Variants in ERC1 observed in about 807,000 individuals in gnomAD.
ERC1 encodes the protein RAB6 interacting protein 2.
In ERC1, 56 loss-of-function variants were observed where a neutral mutation model predicts 132.0. The ratio of observed to expected loss-of-function variants is 0.42; its 90% CI spans 0.34 to 0.53. The LOEUF (loss-of-function observed/expected upper bound fraction) is 0.53, where lower values mean the gene tolerates loss of function less well. Ranked by LOEUF, ERC1 falls within the 20% of genes least tolerant of loss-of-function variation. The pLI is 0.03. For missense variants in ERC1, 1,202 were observed against 1,349.9 expected (o/e 0.89, Z 1.72); for synonymous variants, 478 against 476.1 (o/e 1.00, Z -0.05).
chr12:1,083,242 A>G lies in ERC1; in HGVS notation c.748A>G (p.Ser250Gly), dbSNP rs751171930. The G allele has an allele frequency of 6.2e-7, 1 of 1,614,176 alleles. No homozygotes were observed. Among genetic ancestry groups the G allele is most frequent in the Non-Finnish European group, 8.5e-7 (1 of 1,179,992 alleles). Reference protein sequence around the residue: ...RDLNQLFQQDSSSRTGEPCVA... With the variant: ...RDLNQLFQQDGSSRTGEPCVA... ...CCTGAATCAGCTGTTTCAGCAGGAT[A>G]GTAGCAGCAGGACTGGCGAACCTTG... Residue 250 changes from serine to glycine, a missense_variant, in exon 3 of 19, where the codon AGT becomes GGT. Transcript: ENST00000360905.
chr12:1,322,249 A>C (rs2082164589), intron 15 of ERC1, among the ~76,000 whole-genome samples: 1 of 141,910 alleles, frequency 7.0e-6, no homozygotes, highest in Non-Finnish European at 1.6e-5. Context: ...AGTATTACTA[A>C]CTGAGAATGT....
chr12:1,220,052 TTTG>T (rs750160177), intron 12 of ERC1, among the ~76,000 whole-genome samples: 14 of 152,184 alleles, frequency 9.2e-5, no homozygotes, highest in Non-Finnish European at 1.8e-4. Context: ...TATCAGCTTT[TTTG>T]TTGTTGTTAA....
chr12:1,310,384 T>C (rs886218706), intron 15 of ERC1, among the ~76,000 whole-genome samples: 1 of 152,090 alleles, frequency 6.6e-6, no homozygotes, highest in African/African-American at 2.4e-5. Flanking sequence ...TTTTTTTGTA[T>C]TTTTAGTAGA....
At chr12:1,193,312 A>T (rs531218395) in intron 12 of ERC1, among the ~76,000 whole-genome samples, 2 of 152,288 alleles carry the variant, frequency 1.3e-5, no homozygotes, top group African/African-American at 4.8e-5. Flanking sequence ...GCCCATTAAT[A>T]CATCTATAAA....
intron 14 of ERC1, among the ~76,000 whole-genome samples, chr12:1,266,215 A>G (rs892330654): frequency 6.6e-6 from 1 of 151,928 alleles, no homozygotes; most frequent in Non-Finnish European, 1.5e-5. Context: ...CCTTTCTGCT[A>G]CTCACTGCCT....
intron 8 of ERC1, among the ~76,000 whole-genome samples, chr12:1,142,725 AAGTCGAACAG>A (rs1949967662): frequency 6.6e-6 from 1 of 152,216 alleles, no homozygotes; most frequent in Non-Finnish European, 1.5e-5. Flanking sequence ...ATTGTAAGTA[AAGTCGAACAG>A]ACTTTTATAT....
intron 2 of ERC1, among the ~76,000 whole-genome samples, chr12:1,065,909 G>C (rs1939092002): frequency 6.6e-6 from 1 of 152,178 alleles, no homozygotes; most frequent in African/African-American, 2.4e-5. Flanking sequence ...AAAGGAGCCA[G>C]ATACAAAAGA....
intron 6 of ERC1, among the ~76,000 whole-genome samples, chr12:1,114,233 G>A (rs1946204052): frequency 6.6e-6 from 1 of 152,090 alleles, no homozygotes; most frequent in Non-Finnish European, 1.5e-5. Flanking sequence ...ATGTTGGCCA[G>A]GATGGTCTTG....
chr12:1,196,814 C>G (rs1594135852), intron 12 of ERC1, among the ~76,000 whole-genome samples: 1 of 111,232 alleles, frequency 9.0e-6, no homozygotes, highest in African/African-American at 4.1e-5. Flanking sequence ...ATTTCTCTCT[C>G]TCTCTCTCTC....
chr12:1,040,873 T>G (rs1403005357), intron 2 of ERC1, among the ~76,000 whole-genome samples: 1 of 152,172 alleles, frequency 6.6e-6, no homozygotes, highest in Non-Finnish European at 1.5e-5. Context: ...GGCTGGTAGC[T>G]TATGTACTTT....
At chr12:1,321,325 CGT>C (rs144780111) in intron 15 of ERC1, among the ~76,000 whole-genome samples, 41 of 148,666 alleles carry the variant, frequency 2.8e-4, no homozygotes, top group African/African-American at 6.2e-4. Flanking sequence ...GCATATGATA[CGT>C]GTGTGTGTGT....
intron 1 of ERC1, among the ~76,000 whole-genome samples, chr12:1,013,953 C>T (rs1027665108): frequency 2.0e-5 from 3 of 151,672 alleles, no homozygotes; most frequent in Non-Finnish European, 2.9e-5. Context: ...CCAGGCTGAT[C>T]TGAAGTGATC....
chr12:1,255,621 CTTTTTTTTTTTTTTTTTTT>C (rs757949030), intron 13 of ERC1, among the ~76,000 whole-genome samples: 3 of 61,558 alleles, frequency 4.9e-5, no homozygotes, highest in African/African-American at 1.8e-4. Context: ...GCTTCCTGGC[CTTTTTTTTTTTTTTTTTTT>C]TTTTTTTTTT....
At chr12:1,173,652 T>C (rs1008787884) in intron 8 of ERC1, among the ~76,000 whole-genome samples, 2 of 152,188 alleles carry the variant, frequency 1.3e-5, no homozygotes, top group Non-Finnish European at 2.9e-5. Context: ...TTTATAAAAA[T>C]GGCATAATAC....
chr12:1,204,526 C>CACT, intron 12 of ERC1: 1 of 1,589,246 alleles, frequency 6.3e-7, no homozygotes, highest in Non-Finnish European at 8.5e-7. Context: ...AGTATGCTTG[C>CACT]ACTAAAACAA....
At chr12:1,219,541 G>A (rs935582029) in intron 12 of ERC1, among the ~76,000 whole-genome samples, 6 of 151,566 alleles carry the variant, frequency 4.0e-5, no homozygotes, top group African/African-American at 4.9e-5. Context: ...ACCATTATCC[G>A]TTGCTCAAAT....
At chr12:1,150,417 T>G (rs983625192) in intron 8 of ERC1, among the ~76,000 whole-genome samples, 1 of 152,234 alleles carries the variant, frequency 6.6e-6, no homozygotes, top group African/African-American at 2.4e-5. Context: ...CTCTTTTATC[T>G]TCAAACCATT....
chr12:1,343,211 G>T (rs549256516), intron 15 of ERC1, among the ~76,000 whole-genome samples: 4 of 152,278 alleles, frequency 2.6e-5, no homozygotes, highest in East Asian at 3.9e-4. Flanking sequence ...GTGCAAACAG[G>T]CATCATAAGC....
At chr12:1,014,719 A>T (rs956554722) in intron 1 of ERC1, among the ~76,000 whole-genome samples, 1 of 151,818 alleles carries the variant, frequency 6.6e-6, no homozygotes, top group African/African-American at 2.4e-5. Context: ...TGCATGTCAG[A>T]TCTATATCTT....
Sources: allele counts gnomAD v4.1 joint callset (sites outside exome capture counted in the v4.1 genomes callset), GRCh38; gene constraint gnomAD v4.1.1; transcripts MANE v1.5; gene names NCBI Gene and HGNC (gene_info 2026-07-23, HGNC 2026-07-21).